Variants in NLGN1 observed in about 807,000 individuals in gnomAD.
NLGN1 encodes neuroligin 1.
In NLGN1, 12 loss-of-function variants were observed where a neutral mutation model predicts 65.5. The ratio of observed to expected loss-of-function variants is 0.18; its 90% confidence interval spans 0.12 to 0.30. The LOEUF (loss-of-function observed/expected upper bound fraction) is 0.30, where lower values mean the gene tolerates loss of function less well. Among genes scored for constraint, NLGN1 ranks in the 10% least tolerant of loss-of-function variants. The pLI is 1.00. For missense variants in NLGN1, 750 were observed against 1,007.1 expected (o/e 0.74, Z 3.46); for synonymous variants, 350 against 359.5 (o/e 0.97, Z 0.30).
intron 4 of NLGN1, among the ~76,000 whole-genome samples, chr3:174,003,815 G>T (rs1011572652): frequency 6.6e-6 from 1 of 152,160 alleles, no homozygotes; most frequent in African/African-American, 2.4e-5. Flanking sequence ...GCAATTGAAT[G>T]TATCGAAATA....
chr3:173,831,388 T>C (rs921771010), intron 4 of NLGN1, among the ~76,000 whole-genome samples: 1 of 152,212 alleles, frequency 6.6e-6, no homozygotes, highest in African/African-American at 2.4e-5. Flanking sequence ...GTGCAAGTTT[T>C]GGATGAGGAC....
rs548161816 is a variant in NLGN1 at position 173,581,693 on chromosome 3, T to A, written c.-320-22586T>A. Among the ~76,000 whole-genome samples the A allele has an allele frequency of 1.0e-3, 153 of 152,054 alleles. 1 individual carries two copies. The highest frequency in any genetic ancestry group is 2.8e-3 in the African/African-American group (118 of 41,558). On this transcript the variant is annotated intron_variant, in intron 2 of 6. Coordinates refer to ENST00000457714, the Ensembl canonical transcript of NLGN1. ...AGAAATATTTAGTAGTACAGTTTTT[T>A]AAAAAAATCTCCATATAAAAAGCAC...
chr3:173,598,024 T>C (rs1376930807), intron 2 of NLGN1, among the ~76,000 whole-genome samples: 1 of 152,222 alleles, frequency 6.6e-6, no homozygotes, highest in Non-Finnish European at 1.5e-5. Context: ...AAAGTAGAAA[T>C]TTCATTTTGC....
chr3:173,897,346 A>C (rs12630744), intron 4 of NLGN1, among the ~76,000 whole-genome samples: 21,850 of 152,240 alleles, frequency 0.14, 2,220 homozygotes, highest in East Asian at 0.42. Flanking sequence ...AAATTAAGAT[A>C]GTAAAATTTG....
At chr3:173,691,721 C>T (rs1166779022) in intron 3 of NLGN1, among the ~76,000 whole-genome samples, 1 of 151,998 alleles carries the variant, frequency 6.6e-6, no homozygotes, top group African/African-American at 2.4e-5. Context: ...GTGGTGTTAT[C>T]TAGTTGGATT....
At chr3:174,183,932 C>T (rs4894645) in intron 4 of NLGN1, among the ~76,000 whole-genome samples, 26,703 of 151,956 alleles carry the variant, frequency 0.18, 2,859 homozygotes, top group East Asian at 0.59. Context: ...GCTGTGCTTA[C>T]GGACAATGTA....
intron 4 of NLGN1, among the ~76,000 whole-genome samples, chr3:173,935,436 CT>C (rs1023648914): frequency 6.6e-6 from 1 of 151,632 alleles, no homozygotes; most frequent in Admixed American, 6.6e-5. Flanking sequence ...AAAATATGGA[CT>C]TTTTTTTACT....
At chr3:173,685,827 G>A in intron 3 of NLGN1, 14 of 980,092 alleles carry the variant, frequency 1.4e-5, no homozygotes, top group Non-Finnish European at 1.6e-5. Flanking sequence ...TGAATATGGA[G>A]ATATCATTTA....
intron 2 of NLGN1, among the ~76,000 whole-genome samples, chr3:173,458,617 C>G (rs1722878102): frequency 6.6e-6 from 1 of 152,112 alleles, no homozygotes; most frequent in Non-Finnish European, 1.5e-5. Context: ...CAAGAGCAGT[C>G]TAACCTCTGT....
chr3:173,584,786 G>A (rs1747054048), intron 2 of NLGN1: 1 of 110,916 alleles, frequency 9.0e-6, no homozygotes, highest in Non-Finnish European at 2.0e-5. Context: ...AATAAAAAAG[G>A]AGGGGGGGGT....
downstream of NLGN1, among the ~76,000 whole-genome samples, chr3:174,288,874 A>G (rs1387664905): frequency 6.6e-6 from 1 of 151,506 alleles, no homozygotes; most frequent in Non-Finnish European, 1.5e-5. Flanking sequence ...ACTTTCTACT[A>G]AAACTTTAAA....
intron 3 of NLGN1, among the ~76,000 whole-genome samples, chr3:173,791,289 T>C (rs144857416): frequency 6.6e-5 from 10 of 152,282 alleles, no homozygotes; most frequent in Non-Finnish European, 1.2e-4. Flanking sequence ...AGCATTTCAC[T>C]CTCTCATTGG....
At chr3:174,178,163 T>G (rs1729781170) in intron 4 of NLGN1, among the ~76,000 whole-genome samples, 1 of 152,130 alleles carries the variant, frequency 6.6e-6, no homozygotes, top group Non-Finnish European at 1.5e-5. Context: ...GAATGCACAC[T>G]ATCTAGTGAA....
chr3:173,456,045 C>G (rs1177239285), intron 2 of NLGN1, among the ~76,000 whole-genome samples: 2 of 152,074 alleles, frequency 1.3e-5, no homozygotes, highest in Non-Finnish European at 2.9e-5. Flanking sequence ...CAGCCATCTG[C>G]TTTACTGGGG....
At chr3:173,942,118 G>GTA (rs1560687970) in intron 4 of NLGN1, among the ~76,000 whole-genome samples, 1 of 140,320 alleles carries the variant, frequency 7.1e-6, no homozygotes, top group Non-Finnish European at 1.6e-5. Flanking sequence ...GGGTGTGTGT[G>GTA]TGTGTGTGTG....
At position 173,493,846 on chromosome 3, in the gene NLGN1, G is replaced by T. The variant is rs868550131; in HGVS notation, c.-321+58768G>T. Among the ~76,000 whole-genome samples, 36 of 151,734 alleles carry T rather than the reference G, an allele frequency of 2.4e-4. 1 individual carries two copies. The highest frequency in any genetic ancestry group is 7.9e-4 in the Admixed American group (12 of 15,248). On this transcript the variant is annotated intron_variant, in intron 2 of 6. Transcript: ENST00000457714. Reference sequence around the variant, plus strand: ...TTAATTGAATATATATATATAGAGAGAGAGTATTTCTTCAGAATTTTTACC... The same window carrying T: ...TTAATTGAATATATATATATAGAGATAGAGTATTTCTTCAGAATTTTTACC...
At chr3:173,877,482 GA>G (rs200372030) in intron 4 of NLGN1, among the ~76,000 whole-genome samples, 2,091 of 139,774 alleles carry the variant, frequency 0.015, 49 homozygotes, top group African/African-American at 0.047. Flanking sequence ...CTAAAACAGA[GA>G]AAAAAAAAAA....
rs1720801621 is a variant in NLGN1, at chr3:174,134,333, A to G, written c.647-140982A>G. Among the ~76,000 whole-genome samples, 2 of 152,216 alleles carry G rather than the reference A, an allele frequency of 1.3e-5. 1 individual carries two copies. Among genetic ancestry groups the G allele is most frequent in the South Asian group, 4.1e-4 (2 of 4,832 alleles). On this transcript the variant is annotated intron_variant, in intron 4 of 6. Transcript: ENST00000457714. The stretch of plus-strand genomic sequence containing the variant: ...ATCTTAGGGTGAAACTGAGAGAGAA[A>G]TGGAAAAGCAGCATGACCCATCTTA...
At chr3:173,935,773 C>A (rs1193559407) in intron 4 of NLGN1, among the ~76,000 whole-genome samples, 1 of 151,834 alleles carries the variant, frequency 6.6e-6, no homozygotes, top group Non-Finnish European at 1.5e-5. Context: ...ATTTTTGAAT[C>A]TTTTAAACCA....
Sources: gnomAD v4.1 joint callset for allele counts (sites outside exome capture counted in the v4.1 genomes callset) on GRCh38, gnomAD v4.1.1 for gene constraint, MANE v1.5 for transcripts, NCBI Gene and HGNC (gene_info 2026-07-23, HGNC 2026-07-21) for gene names.